The following GALNT17 variants were observed in gnomAD, a reference collection of about 807,000 sequenced individuals.
GALNT17 encodes polypeptide N-acetylgalactosaminyltransferase 17.
GALNT17 carries 29 observed loss-of-function variants against 63.7 expected under a neutral mutation model. That is an observed-to-expected ratio of 0.46 (90% CI 0.34 to 0.62). GALNT17 has a LOEUF of 0.62. Ranked by LOEUF, GALNT17 falls within the 20% of genes least tolerant of loss-of-function variation. The probability of loss-of-function intolerance (pLI) is 0.01; values close to 1 mark genes in which losing one functional copy is unlikely to be tolerated. For synonymous variants in GALNT17, 305 were observed against 318.3 expected, an observed-to-expected ratio of 0.96 and a Z score of 0.45; for missense variants, 603 against 799.6, an observed-to-expected ratio of 0.75 and a Z score of 2.97.
intron 1 of GALNT17, among the ~76,000 whole-genome samples, chr7:71,333,317 G>C (rs998209957): frequency 1.3e-5 from 2 of 151,932 alleles, no homozygotes; most frequent in African/African-American, 4.8e-5. Flanking sequence ...TCATGCCATA[G>C]CTTGTATCAC....
intron 9 of GALNT17, among the ~76,000 whole-genome samples, chr7:71,684,324 A>G (rs1433663573): frequency 6.6e-6 from 1 of 152,212 alleles, no homozygotes. Context: ...CAAAGGTGCT[A>G]TCAGGAAGAA....
intron 6 of GALNT17, among the ~76,000 whole-genome samples, chr7:71,657,191 T>C (rs56735040): frequency 0.028 from 4,252 of 152,254 alleles, 172 homozygotes; most frequent in African/African-American, 0.09. Context: ...GATTCCAAAG[T>C]GGGGTACACA....
chr7:71,166,306 T>C (rs1016361723), intron 1 of GALNT17, among the ~76,000 whole-genome samples: 12 of 152,206 alleles, frequency 7.9e-5, no homozygotes, highest in Non-Finnish European at 1.2e-4. Context: ...CTCTCTTTAT[T>C]ATTTACTTGG....
At chr7:71,141,624 G>A (rs1787893406) in intron 1 of GALNT17, among the ~76,000 whole-genome samples, 1 of 151,594 alleles carries the variant, frequency 6.6e-6, no homozygotes, top group Non-Finnish European at 1.5e-5. Flanking sequence ...GACACTTAGA[G>A]CAGCCCTGGG....
intron 5 of GALNT17, among the ~76,000 whole-genome samples, chr7:71,468,658 C>G (rs968901208): frequency 6.6e-6 from 1 of 152,012 alleles, no homozygotes; most frequent in African/African-American, 2.4e-5. Flanking sequence ...CTCAGGTGAT[C>G]CTGCTACCTA....
chr7:71,424,137 G>C (rs1185278873), intron 5 of GALNT17, among the ~76,000 whole-genome samples: 1 of 152,152 alleles, frequency 6.6e-6, no homozygotes, highest in African/African-American at 2.4e-5. Flanking sequence ...TTGGCTATCT[G>C]CAAATAATAT....
At chr7:71,159,676 CCA>C (rs1788303959) in intron 1 of GALNT17, among the ~76,000 whole-genome samples, 1 of 148,778 alleles carries the variant, frequency 6.7e-6, no homozygotes, top group African/African-American at 2.5e-5. Flanking sequence ...AGGGTGCTTA[CCA>C]CTTGTGAGCC....
chr7:71,405,381 C>T (rs1214180369), intron 3 of GALNT17, among the ~76,000 whole-genome samples: 1 of 152,026 alleles, frequency 6.6e-6, no homozygotes, highest in Non-Finnish European at 1.5e-5. Context: ...AATCCCAGCA[C>T]TTTGGGAGGC....
At chr7:71,274,667 A>T (rs1053833563) in intron 1 of GALNT17, among the ~76,000 whole-genome samples, 10 of 152,180 alleles carry the variant, frequency 6.6e-5, no homozygotes, top group African/African-American at 2.4e-4. Context: ...TGCACATGAA[A>T]ATAGTTCAAA....
At chr7:71,474,305 A>AT (rs1009780155) in intron 5 of GALNT17, among the ~76,000 whole-genome samples, 3 of 151,886 alleles carry the variant, frequency 2.0e-5, no homozygotes, top group African/African-American at 7.3e-5. Context: ...TATCAGCAAA[A>AT]TTTTTTTTGA....
chr7:71,656,384 G>A (rs563722538), intron 6 of GALNT17, among the ~76,000 whole-genome samples: 2 of 152,208 alleles, frequency 1.3e-5, no homozygotes, highest in East Asian at 3.9e-4. Context: ...GAGTGTCCCG[G>A]GCAGGAATGG....
chr7:71,487,841 A>T (rs1787937863), intron 5 of GALNT17, among the ~76,000 whole-genome samples: 1 of 152,116 alleles, frequency 6.6e-6, no homozygotes, highest in African/African-American at 2.4e-5. Context: ...TAGTTGTGAA[A>T]TTGCCCCACA....
intron 5 of GALNT17, among the ~76,000 whole-genome samples, chr7:71,423,433 G>A (rs539873789): frequency 6.6e-6 from 1 of 152,298 alleles, no homozygotes; most frequent in East Asian, 1.9e-4. Flanking sequence ...GGACCAAACT[G>A]ACTCTAAAAT....
intron 2 of GALNT17, among the ~76,000 whole-genome samples, chr7:71,346,404 A>G (rs1792096785): frequency 6.6e-6 from 1 of 151,846 alleles, no homozygotes; most frequent in South Asian, 2.1e-4. Context: ...TTTATTGACT[A>G]CCTTTTATGT....
intron 5 of GALNT17, among the ~76,000 whole-genome samples, chr7:71,449,750 T>A (rs1428841199): frequency 2.0e-5 from 3 of 152,138 alleles, no homozygotes; most frequent in African/African-American, 7.2e-5. Flanking sequence ...ATTATATTAA[T>A]CGATTGTCTA....
At chr7:71,521,478 C>T (rs989971047) in intron 5 of GALNT17, among the ~76,000 whole-genome samples, 4 of 152,202 alleles carry the variant, frequency 2.6e-5, no homozygotes, top group Non-Finnish European at 2.9e-5. Context: ...TTTGTATTAA[C>T]TATTGCAATT....
At chr7:71,220,327 G>C (rs1299505752) in intron 1 of GALNT17, among the ~76,000 whole-genome samples, 2 of 152,194 alleles carry the variant, frequency 1.3e-5, no homozygotes, top group Non-Finnish European at 2.9e-5. Context: ...GTTGGGAGGT[G>C]GGGGAATTCT....
At chr7:71,628,732 A>T (rs1177229628) in intron 6 of GALNT17, among the ~76,000 whole-genome samples, 1 of 149,788 alleles carries the variant, frequency 6.7e-6, no homozygotes, top group Non-Finnish European at 1.5e-5. Flanking sequence ...GGAGTTCGAG[A>T]CCAGCCTGGC....
chr7:71,701,347 C>G (rs1361462688), intron 9 of GALNT17, among the ~76,000 whole-genome samples: 1 of 151,948 alleles, frequency 6.6e-6, no homozygotes, highest in Non-Finnish European at 1.5e-5. Context: ...ATTAGCTGGG[C>G]ATGGTGGCAG....
Sources: gnomAD v4.1 joint callset for allele counts (sites outside exome capture counted in the v4.1 genomes callset) on GRCh38, gnomAD v4.1.1 for gene constraint, MANE v1.5 for transcripts, NCBI Gene and HGNC (gene_info 2026-07-23, HGNC 2026-07-21) for gene names.